The following ABCB4 variants were observed in gnomAD, a reference collection of about 807,000 sequenced individuals.
The protein encoded by ABCB4 is phosphatidylcholine translocator ABCB4.
A neutral mutation model predicts 145.7 loss-of-function variants in ABCB4; 76 were observed. That is an observed-to-expected ratio of 0.52 (90% confidence interval 0.43 to 0.63). ABCB4 has a LOEUF of 0.63. Among genes scored for constraint, ABCB4 ranks in the 30% least tolerant of loss-of-function variants. ABCB4 has a pLI of 0.00. For synonymous variants in ABCB4, 517 were observed against 566.8 expected (o/e 0.91, Z 1.25); for missense variants, 1,234 against 1,553.1 (o/e 0.79, Z 3.45).
intron 12 of ABCB4, among the ~76,000 whole-genome samples, chr7:87,442,024 A>T (rs1811023114): frequency 6.6e-6 from 1 of 152,210 alleles, no homozygotes; most frequent in African/African-American, 2.4e-5. Flanking sequence ...AAAATTGTTA[A>T]ATCATGATGT....
the ABCB4 span, among the ~76,000 whole-genome samples, chr7:87,376,268 A>G: frequency 6.6e-6 from 1 of 152,038 alleles, no homozygotes; most frequent in African/African-American, 2.4e-5. Flanking sequence ...GCACTAGGTT[A>G]ATGAGCTTTT....
the ABCB4 span, among the ~76,000 whole-genome samples, chr7:87,391,959 A>G: frequency 6.6e-6 from 1 of 152,166 alleles, no homozygotes; most frequent in Non-Finnish European, 1.5e-5. Context: ...TACTTTAGGT[A>G]TTTCAGGACT....
chr7:87,475,139 G>A (rs1434559750), intron 2 of ABCB4, among the ~76,000 whole-genome samples: 1 of 152,186 alleles, frequency 6.6e-6, no homozygotes, highest in Non-Finnish European at 1.5e-5. Flanking sequence ...TGCACAAAGG[G>A]AAGGGAGCAC....
intron 10 of ABCB4, 55 bp downstream of exon 10, chr7:87,444,807 T>C: frequency 1.5e-6 from 2 of 1,361,922 alleles, no homozygotes; most frequent in African/African-American, 1.4e-5. Flanking sequence ...TAAAGCCAGA[T>C]TTAATTATAC....
the ABCB4 span, among the ~76,000 whole-genome samples, chr7:87,368,918 C>A: frequency 6.6e-6 from 1 of 152,174 alleles, no homozygotes; most frequent in Non-Finnish European, 1.5e-5. Flanking sequence ...ATACTGTATC[C>A]TTTTCTACTG....
rs2116730650 is a variant in ABCB4, at chr7:87,444,937, G to A, written c.1044C>T (p.Gly348=). Residue 348 remains glycine, a synonymous_variant, in exon 10 of 28, where the codon GGC becomes GGT. Coordinates refer to ENST00000649586, the MANE Select transcript of ABCB4 (RefSeq NM_000443.4). ...FSILIGAFSV[G]QAAPCIDAFA... ...AAGCATCAATACATGGGGCAGCCTG[G>A]CCAACACTGAAAGCTCCAATTAGGA... The A allele has an allele frequency of 6.2e-7, 1 of 1,606,482 alleles. No individual in the cohort carries two copies.
At chr7:87,457,190 G>C (rs991258261) in intron 4 of ABCB4, among the ~76,000 whole-genome samples, 2 of 152,090 alleles carry the variant, frequency 1.3e-5, no homozygotes, top group African/African-American at 2.4e-5. Context: ...AGGCTGAGGC[G>C]GGAGGATCAC....
chr7:87,423,557 T>C (rs1268659196), intron 17 of ABCB4: 2 of 358,148 alleles, frequency 5.6e-6, no homozygotes, highest in African/African-American at 4.2e-5. Flanking sequence ...CTTTAACCCC[T>C]CCCTGCTCCA....
chr7:87,462,822 C>A lies in ABCB4; in HGVS notation c.222G>T (p.Met74Ile), dbSNP rs921331584. ...CAGTCATCTCTCCAAATACTATCAT[C>A]ATGAGGGGGAGACCTGATCCGTGAG... ...AIAHGSGLPLMMIVFGEMTDK... is the reference protein window; with the variant it reads ...AIAHGSGLPLIMIVFGEMTDK... The change falls in exon 4 of 28, where the codon ATG (methionine) becomes ATT (isoleucine). Residue 74 changes from methionine (M) to isoleucine (I), a missense_variant. By Grantham distance (10) the Met-to-Ile change is conservative. Transcript: ENST00000649586. 6 of 1,613,788 alleles carry A rather than the reference C, an allele frequency of 3.7e-6. No individual in the cohort carries two copies. The highest frequency in any genetic ancestry group is 3.3e-5 in the Admixed American group (2 of 59,994).
rs370195624 is a variant in ABCB4 at position 87,431,451 on chromosome 7, C to G, written c.1846G>C (p.Glu616Gln). The G allele has an allele frequency of 6.2e-7, 1 of 1,614,156 alleles. No homozygotes were observed. The highest frequency in any genetic ancestry group is 1.3e-5 in the African/African-American group (1 of 75,046). The change falls in exon 15 of 28, where the codon GAA (glutamate) becomes CAA (glutamine). Residue 616 changes from glutamate (E) to glutamine (Q), a missense_variant. By Grantham distance (29) the Glu-to-Gln change is conservative. Transcript: ENST00000649586. ...GVIVEQGSHS[E>Q]LMKKEGVYFK... is the part of the protein sequence containing the mutation. ...TACACCCCTTCCTTCTTCATCAGTT[C>G]GCTGTGGCTTCCTTGCTCCACAATT...
intron 21 of ABCB4, among the ~76,000 whole-genome samples, chr7:87,415,718 A>T (rs1554400479): frequency 6.6e-6 from 1 of 152,204 alleles, no homozygotes; most frequent in Non-Finnish European, 1.5e-5. Context: ...GAATAGCAAG[A>T]CCAAAGCTAA....
the ABCB4 span, chr7:87,381,768 TATC>T: frequency 1.8e-6 from 1 of 568,032 alleles, no homozygotes; most frequent in East Asian, 2.9e-5. Context: ...TCTTCTATCT[TATC>T]ATATCCTCAA....
chr7:87,412,878 A>G lies in ABCB4; in HGVS notation c.2783+739T>C, dbSNP rs116689990. On this transcript the variant is annotated intron_variant, in intron 22 of 27. Coordinates refer to ENST00000649586, the MANE Select transcript of ABCB4 (RefSeq NM_000443.4). ...TAATGGTGCATACATGTTTTATGTC[A>G]AACAACAAATGGACACAAAGGTGTA... 2.8e-3 allele frequency among the ~76,000 whole-genome samples: 428 copies of G among 152,326 alleles called. 4 individuals carry two copies. The highest frequency in any genetic ancestry group is 9.8e-3 in the African/African-American group (406 of 41,566).
At position 87,431,500 on chromosome 7, in the gene ABCB4, G is replaced by A; in HGVS notation, c.1797C>T (p.Val599=). 6.2e-7 allele frequency: 1 copy of A among 1,614,148 alleles called. No homozygotes were observed. The highest frequency in any genetic ancestry group is 8.5e-7 in the Non-Finnish European group (1 of 1,179,990). The change falls in exon 15 of 28, where the codon GTC becomes GTT. Residue 599 remains valine (V), a synonymous_variant. Coordinates refer to ENST00000649586, the MANE Select transcript of ABCB4 (RefSeq NM_000443.4). The part of the protein sequence containing the change: ...HRLSTVRNAD[V]IAGFEDGVIV... ...TTACTCCATCCTCAAACCCAGCGAT[G>A]ACATCTGCATTTCGGACCGTAGACA... is the stretch of plus-strand genomic sequence containing the variant.
the ABCB4 span, among the ~76,000 whole-genome samples, chr7:87,381,592 C>T: frequency 2.0e-5 from 3 of 152,172 alleles, no homozygotes; most frequent in Non-Finnish European, 2.9e-5. Flanking sequence ...TATACACTTG[C>T]TTTGACTTCT....
chr7:87,431,679 A>G (rs1203298488), intron 14 of ABCB4, 114 bp from the exon 15 acceptor site: 2 of 1,349,396 alleles, frequency 1.5e-6, no homozygotes, highest in Admixed American at 1.7e-5. Context: ...AGAGTAGTTT[A>G]TACTCCAGAT....
chr7:87,433,179 T>C (rs1810360697), intron 14 of ABCB4, among the ~76,000 whole-genome samples: 2 of 152,340 alleles, frequency 1.3e-5, no homozygotes, highest in South Asian at 4.1e-4. Flanking sequence ...AATAAAGTAA[T>C]GTGGTATTTC....
chr7:87,421,072 C>T (rs1419814323), intron 18 of ABCB4, among the ~76,000 whole-genome samples: 1 of 152,178 alleles, frequency 6.6e-6, no homozygotes, highest in East Asian at 1.9e-4. Context: ...ACTCTTCCTT[C>T]CCCAGCCTCT....
chr7:87,467,372 C>T (rs1195367654), intron 3 of ABCB4, among the ~76,000 whole-genome samples: 1 of 152,150 alleles, frequency 6.6e-6, no homozygotes, highest in African/African-American at 2.4e-5. Flanking sequence ...TATATATTCA[C>T]CCAATACAGG....
Sources: allele counts gnomAD v4.1 joint callset (sites outside exome capture counted in the v4.1 genomes callset), GRCh38; gene constraint gnomAD v4.1.1; transcripts MANE v1.5; gene names NCBI Gene and HGNC (gene_info 2026-07-23, HGNC 2026-07-21).